Variants in ROCK1 observed in about 807,000 individuals in gnomAD.
The protein encoded by ROCK1 is rho-associated protein kinase 1.
In ROCK1, 36 loss-of-function variants were observed where a neutral mutation model predicts 196.8. The observed-to-expected ratio is 0.18, with a 90% CI of 0.14 to 0.24. ROCK1 has a LOEUF of 0.24. Ranked by LOEUF, ROCK1 falls within the 10% of genes least tolerant of loss-of-function variation. The probability of loss-of-function intolerance (pLI) is 1.00; values close to 1 mark genes in which losing one functional copy is unlikely to be tolerated. For missense variants in ROCK1, 920 were observed against 1,562.0 expected (o/e 0.59, Z 6.93); for synonymous variants, 443 against 515.9 (o/e 0.86, Z 1.91).
At chr18:21,007,207 T>A in intron 14 of ROCK1, among the ~76,000 whole-genome samples, 1 of 152,152 alleles carries the variant, frequency 6.6e-6, no homozygotes, top group East Asian at 1.9e-4. Context: ...TAGTCATTTT[T>A]GCCCCTTCTG....
At chr18:21,013,870 G>A (rs1178112736) in intron 13 of ROCK1, among the ~76,000 whole-genome samples, 4 of 151,996 alleles carry the variant, frequency 2.6e-5, no homozygotes, top group African/African-American at 9.7e-5. Context: ...GACAATCCTG[G>A]CTAATACAGT....
chr18:21,081,962 C>G (rs1312505132), intron 1 of ROCK1, among the ~76,000 whole-genome samples: 1 of 151,912 alleles, frequency 6.6e-6, no homozygotes. Flanking sequence ...TTGTTTTTTC[C>G]TTTTTTTGAG....
chr18:20,974,796 A>C (rs1347759509), intron 22 of ROCK1, among the ~76,000 whole-genome samples: 2 of 152,346 alleles, frequency 1.3e-5, no homozygotes, highest in East Asian at 1.9e-4. Context: ...GAATGCGCTC[A>C]GAAATTTTAT....
chr18:21,073,087 A>G (rs1465726585), intron 1 of ROCK1, among the ~76,000 whole-genome samples: 1 of 143,678 alleles, frequency 7.0e-6, no homozygotes, highest in East Asian at 2.1e-4. Context: ...AAAAAAAAAA[A>G]AAAAAAAAAA....
At chr18:21,102,456 C>T (rs939194275) in intron 1 of ROCK1, among the ~76,000 whole-genome samples, 2 of 152,178 alleles carry the variant, frequency 1.3e-5, no homozygotes, top group African/African-American at 2.4e-5. Flanking sequence ...TGTTTTTACT[C>T]ACCATGGTGT....
intron 20 of ROCK1, among the ~76,000 whole-genome samples, chr18:20,984,121 A>C (rs2035557207): frequency 6.6e-6 from 1 of 152,218 alleles, no homozygotes; most frequent in Non-Finnish European, 1.5e-5. Flanking sequence ...TAACCTGAAG[A>C]AATGTGATGA....
chr18:20,970,363 A>G lies in ROCK1; in HGVS notation c.2805T>C (p.Asp935=). ...SRNRQEITDK[D]HTVSRLEEAN... ...TCACACTTACCCGACTAACAGTGTG[A>G]TCTTTATCTGTAATCTCTTGTCTAT... Residue 935 remains aspartate, a synonymous_variant, in exon 23 of 33, where the codon GAT becomes GAC. Coordinates refer to ENST00000399799, the MANE Select transcript of ROCK1 (RefSeq NM_005406.3). 1.2e-6 allele frequency: 2 copies of G among 1,613,690 alleles called. No individual in the cohort carries two copies. The highest frequency in any genetic ancestry group is 1.7e-6 in the Non-Finnish European group (2 of 1,179,720).
At chr18:21,103,338 C>T (rs2036675509) in intron 1 of ROCK1, among the ~76,000 whole-genome samples, 1 of 152,068 alleles carries the variant, frequency 6.6e-6, no homozygotes, top group Non-Finnish European at 1.5e-5. Flanking sequence ...ACATTTCTAC[C>T]CCAACATCAT....
At chr18:21,108,198 C>T (rs1303520777) in intron 1 of ROCK1, among the ~76,000 whole-genome samples, 1 of 152,004 alleles carries the variant, frequency 6.6e-6, no homozygotes, top group Non-Finnish European at 1.5e-5. Context: ...AAAAAACAAC[C>T]AAATCTGTCT....
chr18:21,030,437 A>C (rs1178085814), intron 9 of ROCK1, among the ~76,000 whole-genome samples: 1 of 152,212 alleles, frequency 6.6e-6, no homozygotes, highest in South Asian at 2.1e-4. Flanking sequence ...TGATCTGTCA[A>C]CTGCTAAAGC....
chr18:20,957,532 G>C (rs540642679), intron 29 of ROCK1, among the ~76,000 whole-genome samples: 3 of 151,920 alleles, frequency 2.0e-5, no homozygotes, highest in African/African-American at 7.2e-5. Context: ...CCGGGCTGCA[G>C]TGCAGTGGCG....
intron 13 of ROCK1, among the ~76,000 whole-genome samples, chr18:21,014,834 A>AT (rs1265422372): frequency 1.3e-5 from 2 of 152,220 alleles, no homozygotes; most frequent in African/African-American, 2.4e-5. Context: ...CAGAGAGTGT[A>AT]TTTCTTTTCA....
chr18:20,993,198 G>A (rs1212050042), intron 16 of ROCK1, among the ~76,000 whole-genome samples: 10 of 152,164 alleles, frequency 6.6e-5, no homozygotes, highest in African/African-American at 2.2e-4. Flanking sequence ...TCAGATCCAA[G>A]TCCTTACTGA....
chr18:20,979,311 T>TA (rs1340307243), intron 22 of ROCK1, among the ~76,000 whole-genome samples: 2 of 152,136 alleles, frequency 1.3e-5, no homozygotes, highest in Non-Finnish European at 2.9e-5. Flanking sequence ...GCATGATTTA[T>TA]ATATAAATAG....
chr18:21,083,279 A>T (rs567725049), intron 1 of ROCK1, among the ~76,000 whole-genome samples: 35 of 152,322 alleles, frequency 2.3e-4, no homozygotes, highest in African/African-American at 8.4e-4. Flanking sequence ...ATTAAATGTA[A>T]TCCCTATCAA....
At chr18:21,109,336 G>C (rs2036729642) in intron 1 of ROCK1, among the ~76,000 whole-genome samples, 10 of 152,120 alleles carry the variant, frequency 6.6e-5, no homozygotes, top group Admixed American at 6.5e-4. Context: ...GCCAGAAGAT[G>C]ATTTAAAGAA....
chr18:20,992,813 A>G lies in ROCK1; in HGVS notation c.1992+18T>C, dbSNP rs2035638015. 1.5e-6 allele frequency: 2 copies of G among 1,360,898 alleles called. No homozygotes were observed. Among genetic ancestry groups the G allele is most frequent in the East Asian group, 4.6e-5 (2 of 43,486 alleles). 84.3% of individuals were successfully genotyped at this position (1,360,898 alleles called of 1,614,324 possible). ...TAATTACTATTTTATAATAATTGGTATATGTTAAATCATTTACCTTTTCTG... is the reference window on the plus strand; with the variant it reads ...TAATTACTATTTTATAATAATTGGTGTATGTTAAATCATTTACCTTTTCTG... On this transcript the variant is annotated intron_variant, in intron 17 of 32. Coordinates refer to ENST00000399799, the MANE Select transcript of ROCK1 (RefSeq NM_005406.3).
At chr18:20,987,769 A>T (rs895098983) in intron 18 of ROCK1, among the ~76,000 whole-genome samples, 5 of 152,188 alleles carry the variant, frequency 3.3e-5, no homozygotes, top group Non-Finnish European at 5.9e-5. Flanking sequence ...CAAAATATAA[A>T]CTATTAAATA....
chr18:21,110,542 G>C (rs2036741680), intron 1 of ROCK1, among the ~76,000 whole-genome samples: 1 of 152,126 alleles, frequency 6.6e-6, no homozygotes, highest in African/African-American at 2.4e-5. Context: ...ACTTTTTATA[G>C]GATGCCTGCA....
Sources: gnomAD v4.1 joint callset for allele counts (sites outside exome capture counted in the v4.1 genomes callset) on GRCh38, gnomAD v4.1.1 for gene constraint, MANE v1.5 for transcripts, NCBI Gene and HGNC (gene_info 2026-07-23, HGNC 2026-07-21) for gene names.